MSH6: variants seen among roughly 807,000 people sequenced by gnomAD.
MSH6 encodes DNA mismatch repair protein Msh6.
A neutral mutation model predicts 119.1 loss-of-function variants in MSH6; 85 were observed. The observed-to-expected ratio is 0.71, with a 90% CI of 0.60 to 0.85. The LOEUF is 0.85. Among genes scored for constraint, MSH6 ranks in the 40% least tolerant of loss-of-function variants. MSH6 has a pLI of 0.00. For synonymous variants in MSH6, 830 were observed against 586.9 expected (o/e 1.41, Z -5.99); for missense variants, 2,163 against 1,655.3 (o/e 1.31, Z -5.32).
chr2:47,809,998 G>T, downstream of MSH6: 1 of 486,424 alleles, frequency 2.1e-6, no homozygotes, highest in Admixed American at 3.8e-5. Flanking sequence ...TTCTGTTGCA[G>T]ATTTAAACTG....
chr2:47,804,662 A>C (rs1669846179), intron 5 of MSH6, among the ~76,000 whole-genome samples: 1 of 152,170 alleles, frequency 6.6e-6, no homozygotes, highest in Non-Finnish European at 1.5e-5. Flanking sequence ...GTTGAGAATC[A>C]CTAGGGTAGT....
In MSH6 at chr2:47,800,932, G is replaced by C. The variant is rs780485157; in HGVS notation, c.2949G>C (p.Glu983Asp). ...ACCGTTACCAGCTGGAAATTCCTGA[G>C]AATTTCACCACTCGCAATTTGCCAG... ...GRNRYQLEIP[E>D]NFTTRNLPEE... The change falls in exon 4 of 10, where the codon GAG becomes GAC. Residue 983 changes from glutamate to aspartate, a missense_variant. Coordinates refer to ENST00000234420, the MANE Select transcript of MSH6 (RefSeq NM_000179.3). 1.3e-6 allele frequency: 2 copies of C among 1,577,828 alleles called. No individual in the cohort carries two copies. Among genetic ancestry groups the C allele is most frequent in the African/African-American group, 1.4e-5 (1 of 73,188 alleles).
Position 47,800,148 on chromosome 2 carries a change from C to G in MSH6, c.2165C>G (p.Ser722Cys), listed in dbSNP as rs776198410. The G allele has an allele frequency of 3.1e-6, 5 of 1,614,056 alleles. No individual in the cohort carries two copies. In the South Asian group the frequency reaches 4.4e-5, roughly 14 times the overall value. ...LDSDTVSTTR[S>C]GAIFTKAYQR... ...TCTGACACAGTCAGCACTACAAGAT[C>G]TGGTGCTATCTTCACCAAAGCCTAT... Residue 722 changes from serine (S) to cysteine (C), a missense_variant, in exon 4 of 10, where the codon TCT (serine) becomes TGT (cysteine). By Grantham distance (112) the Ser-to-Cys change is moderately radical. Coordinates refer to ENST00000234420, the MANE Select transcript of MSH6 (RefSeq NM_000179.3).
chr2:47,799,585 C>A lies in MSH6; in HGVS notation c.1602C>A (p.Asn534Lys), dbSNP rs763712971. ...YSVLEGDPSE[N>K]YSKYLLSLKE... ...TGCTGGAAGGTGATCCCTCTGAGAA[C>A]TACAGTAAGTATCTTCTTAGCCTCA... The change falls in exon 4 of 10, where the codon AAC becomes AAA. Residue 534 changes from asparagine (N) to lysine (K), a missense_variant. Coordinates refer to ENST00000234420, the MANE Select transcript of MSH6 (RefSeq NM_000179.3). The A allele has an allele frequency of 6.2e-7, 1 of 1,614,170 alleles. No homozygotes were observed. Among genetic ancestry groups the A allele is most frequent in the Non-Finnish European group, 8.5e-7 (1 of 1,180,032 alleles).
rs577713548 is a variant in MSH6 at position 47,799,440 on chromosome 2, C to T, written c.1457C>T (p.Thr486Ile). The change falls in exon 4 of 10, where the codon ACT becomes ATT. Residue 486 changes from threonine to isoleucine, a missense_variant. Coordinates refer to ENST00000234420, the MANE Select transcript of MSH6 (RefSeq NM_000179.3). Reference sequence around the variant, plus strand: ...TATAAAGTAGCACGAGTGGAACAGACTGAGACTCCAGAAATGATGGAGGCA... The same window carrying T: ...TATAAAGTAGCACGAGTGGAACAGATTGAGACTCCAGAAATGATGGAGGCA... ...KGYKVARVEQ[T>I]ETPEMMEARC... The T allele has an allele frequency of 1.2e-6, 2 of 1,614,120 alleles. No homozygotes were observed. The highest frequency in any genetic ancestry group is 1.7e-5 in the Admixed American group (1 of 59,998).
intron 6 of MSH6, 122 bp downstream of exon 6, chr2:47,805,149 A>C (rs560772704): frequency 1.6e-5 from 12 of 758,694 alleles, no homozygotes; most frequent in South Asian, 3.0e-5. Flanking sequence ...TACTTTAAAA[A>C]CATCACTTTT....
At position 47,795,903 on chromosome 2, in the gene MSH6, C is replaced by G. The variant is rs63749873; in HGVS notation, c.467C>G (p.Ser156Ter). 3.1e-6 allele frequency: 5 copies of G among 1,613,636 alleles called. No homozygotes were observed. The highest frequency in any genetic ancestry group is 4.2e-6 in the Non-Finnish European group (5 of 1,179,852). ...ATACATTTCTTTCTAGGTTCAAAATCAAAGGAAGCCCAGAAGGGAGGTCAT... is the reference window on the plus strand; with the variant it reads ...ATACATTTCTTTCTAGGTTCAAAATGAAAGGAAGCCCAGAAGGGAGGTCAT... ...RLLKPYTGSK[S>*]KEAQKGGHFY... is the part of the protein sequence containing the mutation. Residue 156 changes from serine (S) to a stop codon, truncating the protein, a stop_gained, in exon 3 of 10, where the codon TCA (serine) becomes TGA (stop). Transcript: ENST00000234420. LOFTEE classifies it high-confidence loss of function.
rs3136341 is a variant in MSH6, at chr2:47,802,718, G to T, written c.3173-702G>T. On this transcript the variant is annotated intron_variant, in intron 4 of 9. Transcript: ENST00000234420. ...AACACAAAACTATTTTGATCTGAAC[G>T]CAAGTATCTAATGGAACAGAATAAT... Among the ~76,000 whole-genome samples the T allele has an allele frequency of 4.0e-5, 6 of 148,774 alleles. No homozygotes were observed. In the East Asian group the frequency reaches 1.2e-3, roughly 29 times the overall value.
chr2:47,807,300 T>C (rs1157474962), downstream of MSH6: 4 of 216,774 alleles, frequency 1.8e-5, no homozygotes, highest in African/African-American at 6.8e-5. Context: ...ACATAGTAGT[T>C]TTTTACCTTT....
At chr2:47,809,439 A>G (rs1476695850), downstream of MSH6, 1 of 689,658 alleles carries the variant, frequency 1.4e-6, no homozygotes, top group African/African-American at 1.8e-5. Context: ...CTTGTATAAG[A>G]TACTCCAACC....
rs1057523520 is a variant in MSH6 at position 47,799,825 on chromosome 2, C to T, written c.1842C>T (p.Ser614=). The T allele has an allele frequency of 1.2e-6, 2 of 1,614,068 alleles. No homozygotes were observed. The highest frequency in any genetic ancestry group is 1.7e-6 in the Non-Finnish European group (2 of 1,180,048). ...AAACAATTCTAAAGAGTTCATTGTC[C>T]TGTTCTCTTCAGGAAGGTCTGATAC... The part of the protein sequence containing the change: ...ETKTILKSSL[S]CSLQEGLIPG... Residue 614 remains serine (S), a synonymous_variant, in exon 4 of 10, where the codon TCC becomes TCT. Coordinates refer to ENST00000234420, the MANE Select transcript of MSH6 (RefSeq NM_000179.3).
intron 1 of MSH6, among the ~76,000 whole-genome samples, chr2:47,788,912 TTTTTTTTTTG>T (rs1558650156): frequency 0.049 from 3,073 of 62,934 alleles, 297 homozygotes; most frequent in Non-Finnish European, 0.07. Flanking sequence ...TCTTCCTTTT[TTTTTTTTTTG>T]TTTTTTTTTT....
chr2:47,783,935 T>A, intron 1 of MSH6: 5 of 1,020,376 alleles, frequency 4.9e-6, no homozygotes, highest in Non-Finnish European at 5.9e-6. Context: ...GAGGAATGCC[T>A]GCGGGAGGCC....
At chr2:47,803,787 CAGTGACTTAAT>C in intron 5 of MSH6, 102 bp downstream of exon 5, 1 of 1,383,996 alleles carries the variant, frequency 7.2e-7, no homozygotes, top group Admixed American at 1.8e-5. Flanking sequence ...AAAAGTCAGC[CAGTGACTTAAT>C]AGGAAGCAAA....
downstream of MSH6, chr2:47,809,053 G>GT: frequency 1.5e-6 from 1 of 656,860 alleles, no homozygotes; most frequent in Non-Finnish European, 2.6e-6. Context: ...TTTTCAGTTA[G>GT]TTATAGTCTC....
intron 3 of MSH6, among the ~76,000 whole-genome samples, chr2:47,797,375 A>G (rs771839048): frequency 1.3e-5 from 2 of 152,240 alleles, no homozygotes; most frequent in East Asian, 3.8e-4. Context: ...GGATCATAAC[A>G]TTATCAGAGG....
chr2:47,791,137 C>G lies in MSH6; in HGVS notation c.457+14C>G, dbSNP rs267608033. The G allele has an allele frequency of 6.2e-7, 1 of 1,609,376 alleles. No homozygotes were observed. Among genetic ancestry groups the G allele is most frequent in the Non-Finnish European group, 8.5e-7 (1 of 1,176,158 alleles). On this transcript the variant is annotated intron_variant, in intron 2 of 9. Transcript: ENST00000234420. ...AGCCATATACAGGTAAGAGTCACTA[C>G]TGCCATGTGTGTGTGTTTGTGTGTG...
Position 47,800,264 on chromosome 2 carries a change from A to G in MSH6, c.2281A>G (p.Arg761Gly), listed in dbSNP as rs199876321. ...NGSTEGTLLE[R>G]VDTCHTPFGK... ...TTCTACTGAAGGAACCCTACTAGAG[A>G]GGGTTGATACTTGCCATACTCCTTT... Residue 761 changes from arginine (R) to glycine (G), a missense_variant, in exon 4 of 10, where the codon AGG becomes GGG. Arg to Gly is a moderately radical substitution (Grantham distance 125). Transcript: ENST00000234420. 73 of 1,614,172 alleles carry G rather than the reference A, an allele frequency of 4.5e-5. No individual in the cohort carries two copies. In the Middle Eastern group the frequency reaches 5.0e-4, roughly 11 times the overall value.
At chr2:47,787,909 A>G (rs1297435644) in intron 1 of MSH6, among the ~76,000 whole-genome samples, 1 of 152,102 alleles carries the variant, frequency 6.6e-6, no homozygotes, top group Non-Finnish European at 1.5e-5. Context: ...CACCTGGCCT[A>G]TTTTGGCATT....
Sources: gnomAD v4.1 joint callset for allele counts (sites outside exome capture counted in the v4.1 genomes callset) on GRCh38, gnomAD v4.1.1 for gene constraint, MANE v1.5 for transcripts, NCBI Gene and HGNC (gene_info 2026-07-23, HGNC 2026-07-21) for gene names.